Variants in R3HDM1 observed in about 807,000 individuals in gnomAD.
The protein encoded by R3HDM1 is R3H domain containing 1, also known as R3H domain-containing protein 1.
Under a neutral mutation model 141.1 loss-of-function variants are expected in R3HDM1, and 46 were observed. The observed-to-expected ratio is 0.33, with a 90% CI of 0.26 to 0.42. The LOEUF is 0.42. Ranked by LOEUF, R3HDM1 falls within the 10% of genes least tolerant of loss-of-function variation. The pLI is 1.00. For synonymous variants in R3HDM1, 435 were observed against 472.9 expected (o/e 0.92, Z 1.04); for missense variants, 1,184 against 1,368.3 (o/e 0.87, Z 2.12).
chr2:135,689,126 C>T (rs533347359), intron 21 of R3HDM1, among the ~76,000 whole-genome samples: 32 of 152,244 alleles, frequency 2.1e-4, no homozygotes, highest in African/African-American at 7.7e-4. Flanking sequence ...TTTTGATGCC[C>T]TCCAGGTGAT....
intron 1 of R3HDM1, among the ~76,000 whole-genome samples, chr2:135,569,579 ACT>A (rs1381334472): frequency 6.6e-6 from 1 of 152,082 alleles, no homozygotes; most frequent in Non-Finnish European, 1.5e-5. Flanking sequence ...CAGATACTAG[ACT>A]CTACCGCTCA....
At chr2:135,551,534 A>C (rs1421730357) in intron 1 of R3HDM1, among the ~76,000 whole-genome samples, 2 of 152,248 alleles carry the variant, frequency 1.3e-5, no homozygotes, top group Non-Finnish European at 2.9e-5. Context: ...TTATTCTTTG[A>C]CTATGCCAAG....
chr2:135,637,113 A>G lies in R3HDM1; in HGVS notation c.903+930A>G, dbSNP rs60446566. 3.0e-3 allele frequency among the ~76,000 whole-genome samples: 453 copies of G among 152,292 alleles called. 2 individuals are homozygous for G. The highest frequency in any genetic ancestry group is 0.01 in the African/African-American group (427 of 41,562). ...TACTAAATGTCCTTCTCTCTAGTTT[A>G]TAAGATAGATGAGGTATCTGCCCTT... On this transcript the variant is annotated intron_variant, in intron 11 of 26. Transcript: ENST00000683871.
Position 135,641,555 on chromosome 2 carries a change from T to C in R3HDM1, c.1239T>C (p.Ser413=), listed in dbSNP as rs775703318. Residue 413 remains serine, a synonymous_variant, in exon 15 of 27, where the codon AGT becomes AGC. Transcript: ENST00000683871. ...LSKTGSESSG[S]VGSSTGSLSH... ...TTCTAGGTTCTGAGTCTTCTGGTAG[T>C]GTAGGGTCATCTACAGGCTCTCTTT... is the stretch of plus-strand genomic sequence containing the variant. 8.7e-6 allele frequency: 14 copies of C among 1,613,996 alleles called. No individual in the cohort carries two copies. The highest frequency in any genetic ancestry group is 1.2e-5 in the Non-Finnish European group (14 of 1,179,894).
chr2:135,533,528 T>C (rs766373625), intron 1 of R3HDM1, among the ~76,000 whole-genome samples: 1 of 152,256 alleles, frequency 6.6e-6, no homozygotes, highest in African/African-American at 2.4e-5. Context: ...TTCGGTTTCC[T>C]CATCTGTAAA....
At chr2:135,664,290 A>G (rs968953874) in intron 19 of R3HDM1, among the ~76,000 whole-genome samples, 1 of 152,238 alleles carries the variant, frequency 6.6e-6, no homozygotes, top group East Asian at 1.9e-4. Flanking sequence ...ATACTTTTTC[A>G]TATCTCTTAT....
chr2:135,662,841 T>C (rs2066905517), intron 19 of R3HDM1, among the ~76,000 whole-genome samples: 1 of 152,212 alleles, frequency 6.6e-6, no homozygotes, highest in Admixed American at 6.5e-5. Flanking sequence ...ATATTGTTTT[T>C]TCTTGATTTT....
intron 1 of R3HDM1, among the ~76,000 whole-genome samples, chr2:135,578,484 C>T (rs1162246431): frequency 1.3e-5 from 2 of 152,106 alleles, no homozygotes; most frequent in Non-Finnish European, 2.9e-5. Context: ...ACTCTCAGAA[C>T]CCTGGTAATT....
At chr2:135,706,600 A>G (rs956330318) in intron 21 of R3HDM1, among the ~76,000 whole-genome samples, 4 of 152,094 alleles carry the variant, frequency 2.6e-5, no homozygotes, top group Non-Finnish European at 5.9e-5. Context: ...TGCTGCCTTC[A>G]AGCATCTGTT....
Position 135,604,913 on chromosome 2 carries a change from T to A in R3HDM1, c.68T>A (p.Val23Glu). ...TATMKDLEAE[V>E]KDTTRVENLI... is the part of the protein sequence containing the mutation. ...ACAATGAAGGATTTGGAGGCAGAAG[T>A]GAAAGATACAACCAGAGTTGAAAAT... Residue 23 changes from valine to glutamate, a missense_variant, in exon 3 of 27, where the codon GTG becomes GAG. Around this residue, in one of 5 missense-constraint regions of R3HDM1, gnomAD observed 192 missense variants for 215.7 expected, o/e 0.89. Transcript: ENST00000683871. 1 of 1,611,458 alleles carries A rather than the reference T, an allele frequency of 6.2e-7. No individual in the cohort carries two copies. The highest frequency in any genetic ancestry group is 1.3e-5 in the African/African-American group (1 of 74,978).
chr2:135,597,104 T>C (rs1304646028), intron 1 of R3HDM1: 3 of 979,270 alleles, frequency 3.1e-6, no homozygotes, highest in African/African-American at 3.5e-5. Flanking sequence ...ATTTGTTTCA[T>C]ATAGTCTTAC....
chr2:135,583,747 C>A (rs543678638), intron 1 of R3HDM1: 2 of 985,140 alleles, frequency 2.0e-6, no homozygotes, highest in Non-Finnish European at 2.4e-6. Context: ...GTTGTCTTTA[C>A]CTGTAAAGGT....
intron 17 of R3HDM1, 114 bp downstream of exon 17, chr2:135,650,117 A>T (rs564645154): frequency 9.9e-7 from 1 of 1,009,078 alleles, no homozygotes; most frequent in Admixed American, 5.8e-5. Flanking sequence ...GGTCAGGTTT[A>T]CATATGTATC....
chr2:135,692,415 C>T (rs2072554914), intron 21 of R3HDM1, among the ~76,000 whole-genome samples: 2 of 152,070 alleles, frequency 1.3e-5, no homozygotes, highest in African/African-American at 4.8e-5. Flanking sequence ...CCCTGGCCAA[C>T]AGGGCAAAAC....
chr2:135,719,041 A>G (rs1406868366), intron 24 of R3HDM1, among the ~76,000 whole-genome samples: 3 of 152,038 alleles, frequency 2.0e-5, no homozygotes, highest in Non-Finnish European at 2.9e-5. Flanking sequence ...TCAGCTACTC[A>G]GGAGGCTGAG....
At chr2:135,618,977 G>A (rs372813867) in intron 5 of R3HDM1, among the ~76,000 whole-genome samples, 7 of 150,158 alleles carry the variant, frequency 4.7e-5, no homozygotes, top group South Asian at 2.1e-4. Flanking sequence ...CCGAGATTGC[G>A]CTATTGCGCT....
At chr2:135,601,748 G>GT (rs2059635037) in intron 1 of R3HDM1, among the ~76,000 whole-genome samples, 1 of 152,120 alleles carries the variant, frequency 6.6e-6, no homozygotes, top group East Asian at 1.9e-4. Flanking sequence ...ATAGCTAACT[G>GT]TAACCCCCAA....
At chr2:135,549,911 A>G (rs1699525925) in intron 1 of R3HDM1, 1 of 868,502 alleles carries the variant, frequency 1.2e-6, no homozygotes, top group Non-Finnish European at 1.4e-6. Flanking sequence ...AAATAAGAAT[A>G]CATTACATAT....
At chr2:135,603,821 T>C (rs2059823256) in intron 2 of R3HDM1, among the ~76,000 whole-genome samples, 1 of 152,146 alleles carries the variant, frequency 6.6e-6, no homozygotes, top group Non-Finnish European at 1.5e-5. Flanking sequence ...TGCCCAGGCT[T>C]GTTTTGAACT....
Sources: allele counts gnomAD v4.1 joint callset (sites outside exome capture counted in the v4.1 genomes callset), GRCh38; gene constraint gnomAD v4.1.1; regional missense constraint gnomAD v4.1.1; transcripts MANE v1.5; gene names NCBI Gene and HGNC (gene_info 2026-07-23, HGNC 2026-07-21).